VWA3B: variants seen among roughly 807,000 people sequenced by gnomAD.
VWA3B encodes von Willebrand factor A domain containing 3B.
Under a neutral mutation model 158.3 loss-of-function variants are expected in VWA3B, and 138 were observed. The observed-to-expected ratio is 0.87, with a 90% CI of 0.76 to 1.00. The LOEUF (loss-of-function observed/expected upper bound fraction) is 1.00. Among genes scored for constraint, VWA3B ranks in the 50% least tolerant of loss-of-function variants. The probability of loss-of-function intolerance (pLI) is 0.00; values close to 1 mark genes in which losing one functional copy is unlikely to be tolerated. For missense variants in VWA3B, 1,555 were observed against 1,565.1 expected (o/e 0.99, Z 0.11); for synonymous variants, 596 against 587.3 (o/e 1.01, Z -0.21).
chr2:98,166,697 G>C (rs1349032427), intron 8 of VWA3B, among the ~76,000 whole-genome samples: 1 of 152,042 alleles, frequency 6.6e-6, no homozygotes, highest in African/African-American at 2.4e-5. Context: ...TTAGTCTTAA[G>C]AGTTAACAGA....
At chr2:98,174,911 G>A (rs1175251698) in intron 8 of VWA3B, among the ~76,000 whole-genome samples, 4 of 152,202 alleles carry the variant, frequency 2.6e-5, no homozygotes, top group Non-Finnish European at 5.9e-5. Flanking sequence ...GGAAATCTCT[G>A]TTCAATTATT....
intron 2 of VWA3B, among the ~76,000 whole-genome samples, chr2:98,110,080 C>CTTTTTTTTT (rs541914854): frequency 6.9e-6 from 1 of 145,044 alleles, no homozygotes; most frequent in Non-Finnish European, 1.5e-5. Flanking sequence ...TCTTTGAATT[C>CTTTTTTTTT]TTTTTTTTTT....
chr2:98,114,913 A>G (rs1490488672), intron 2 of VWA3B, among the ~76,000 whole-genome samples: 1 of 152,234 alleles, frequency 6.6e-6, no homozygotes, highest in Non-Finnish European at 1.5e-5. Flanking sequence ...ATAGCTGAGC[A>G]TATAATCTGA....
chr2:98,180,522 G>C (rs1199062487), intron 8 of VWA3B, among the ~76,000 whole-genome samples: 2 of 152,236 alleles, frequency 1.3e-5, no homozygotes, highest in African/African-American at 4.8e-5. Context: ...GATTGCTGCA[G>C]TTTACCTAGG....
At chr2:98,111,423 C>T (rs1191876984) in intron 2 of VWA3B, among the ~76,000 whole-genome samples, 4 of 151,960 alleles carry the variant, frequency 2.6e-5, no homozygotes, top group Admixed American at 2.0e-4. Flanking sequence ...GGTAGATTAC[C>T]AATAGTGGGA....
chr2:98,114,646 A>C (rs1674388255), intron 2 of VWA3B, among the ~76,000 whole-genome samples: 1 of 152,200 alleles, frequency 6.6e-6, no homozygotes, highest in Admixed American at 6.5e-5. Flanking sequence ...TAAAAATAAT[A>C]ATTAAAATTA....
At chr2:98,129,232 T>TGTGTGTGTGG (rs1675642277) in intron 6 of VWA3B, among the ~76,000 whole-genome samples, 1 of 145,322 alleles carries the variant, frequency 6.9e-6, no homozygotes, top group South Asian at 2.2e-4. Flanking sequence ...AGAGTGTGTG[T>TGTGTGTGTGG]GTGTGTGTGT....
At chr2:98,144,103 C>G (rs1196603768) in intron 7 of VWA3B, among the ~76,000 whole-genome samples, 3 of 151,492 alleles carry the variant, frequency 2.0e-5, no homozygotes, top group Non-Finnish European at 4.4e-5. Flanking sequence ...GAATATATCT[C>G]TATATAAGAA....
intron 26 of VWA3B, among the ~76,000 whole-genome samples, chr2:98,304,625 C>T (rs749895226): frequency 1.3e-5 from 2 of 152,114 alleles, no homozygotes; most frequent in African/African-American, 2.4e-5. Context: ...CCTTTGCCCC[C>T]GATGTCAAAG....
At chr2:98,297,057 A>T (rs1689843715) in intron 23 of VWA3B, among the ~76,000 whole-genome samples, 3 of 151,856 alleles carry the variant, frequency 2.0e-5, no homozygotes, top group Non-Finnish European at 4.4e-5. Context: ...TAGTATAACA[A>T]AAAAAGAAAC....
chr2:98,272,601 C>T (rs1395388468), intron 22 of VWA3B, among the ~76,000 whole-genome samples: 1 of 152,168 alleles, frequency 6.6e-6, no homozygotes, highest in Non-Finnish European at 1.5e-5. Context: ...ACTCTCTAAT[C>T]CTGCCTTGGT....
chr2:98,261,042 T>C (rs1687448240), intron 21 of VWA3B, among the ~76,000 whole-genome samples: 1 of 151,852 alleles, frequency 6.6e-6, no homozygotes, highest in African/African-American at 2.4e-5. Context: ...TTACCAATAA[T>C]GAAGAATTTA....
chr2:98,116,101 A>C (rs1674513207), intron 3 of VWA3B, among the ~76,000 whole-genome samples: 7 of 152,218 alleles, frequency 4.6e-5, no homozygotes, highest in Admixed American at 3.9e-4. Context: ...TAGGGGCAGC[A>C]TTTGCAGATA....
intron 2 of VWA3B, among the ~76,000 whole-genome samples, chr2:98,107,685 T>C (rs1168412909): frequency 6.6e-5 from 10 of 152,120 alleles, no homozygotes; most frequent in African/African-American, 2.2e-4. Context: ...TATTATTCTT[T>C]TGATGTCTGC....
chr2:98,257,294 G>T (rs1395935884), intron 21 of VWA3B, among the ~76,000 whole-genome samples: 13 of 152,052 alleles, frequency 8.5e-5, no homozygotes, highest in Admixed American at 3.3e-4. Flanking sequence ...TGCTGCAAAT[G>T]ATAGGATTTT....
chr2:98,210,258 A>G (rs747634828), intron 12 of VWA3B, among the ~76,000 whole-genome samples: 15 of 152,084 alleles, frequency 9.9e-5, no homozygotes, highest in Non-Finnish European at 1.9e-4. Flanking sequence ...TTTCCTGCCT[A>G]TCCTACTCAT....
intron 22 of VWA3B, among the ~76,000 whole-genome samples, chr2:98,274,113 T>G (rs1343190377): frequency 6.6e-6 from 1 of 152,206 alleles, no homozygotes; most frequent in African/African-American, 2.4e-5. Flanking sequence ...GCCTCTCTCA[T>G]TCTTTTCTGT....
intron 7 of VWA3B, among the ~76,000 whole-genome samples, chr2:98,154,617 G>C (rs943109043): frequency 3.3e-5 from 5 of 152,224 alleles, no homozygotes; most frequent in African/African-American, 1.2e-4. Flanking sequence ...ACACTGGGCA[G>C]GGGTGGGCTC....
At chr2:98,221,595 A>G (rs1684515724) in intron 14 of VWA3B, among the ~76,000 whole-genome samples, 1 of 152,152 alleles carries the variant, frequency 6.6e-6, no homozygotes, top group South Asian at 2.1e-4. Context: ...GCTCTGATTT[A>G]TTTCCCTGCT....
Sources: gnomAD v4.1 joint callset for allele counts (sites outside exome capture counted in the v4.1 genomes callset) on GRCh38, gnomAD v4.1.1 for gene constraint, MANE v1.5 for transcripts, NCBI Gene and HGNC (gene_info 2026-07-23, HGNC 2026-07-21) for gene names.